CTNNA3: variants seen among roughly 807,000 people sequenced by gnomAD.
CTNNA3 encodes the protein catenin alpha 3.
Under a neutral mutation model 95.7 loss-of-function variants are expected in CTNNA3, and 76 were observed. That is an observed-to-expected ratio of 0.79 (90% CI 0.66 to 0.96). The LOEUF (loss-of-function observed/expected upper bound fraction) is 0.96. CTNNA3 is among the 40% of genes least tolerant of loss of function. The pLI, the probability that CTNNA3 is intolerant of heterozygous loss-of-function variation, is 0.00. For synonymous variants in CTNNA3, 431 were observed against 374.4 expected (o/e 1.15, Z -1.74); for missense variants, 1,191 against 1,089.8 (o/e 1.09, Z -1.31).
chr10:66,867,121 T>C (rs1844211455), intron 7 of CTNNA3, among the ~76,000 whole-genome samples: 1 of 152,152 alleles, frequency 6.6e-6, no homozygotes. Context: ...CCATTAAACA[T>C]CTTTTTCTTT....
rs577544301 is a variant in CTNNA3 at position 66,006,283 on chromosome 10, G to A, written c.2160-17486C>T. Among the ~76,000 whole-genome samples the A allele has an allele frequency of 1.3e-3, 192 of 152,100 alleles. 1 individual carries two copies. The highest frequency in any genetic ancestry group is 8.9e-3 in the South Asian group (43 of 4,814). On this transcript the variant is annotated intron_variant, in intron 15 of 17. Coordinates refer to ENST00000433211, the MANE Select transcript of CTNNA3 (RefSeq NM_013266.4). The stretch of plus-strand genomic sequence containing the variant: ...CCGCCTCGGCCTCCCAAAGTGCTGG[G>A]ATTACAGGTGTGAGCCACTGCACCA...
At chr10:67,682,400 A>AT (rs1564826574) in intron 1 of CTNNA3, among the ~76,000 whole-genome samples, 1 of 152,264 alleles carries the variant, frequency 6.6e-6, no homozygotes. Context: ...AAGAAGGGCA[A>AT]TGGGTTAATA....
At chr10:67,237,636 T>C (rs1047619540) in intron 5 of CTNNA3, among the ~76,000 whole-genome samples, 23 of 151,704 alleles carry the variant, frequency 1.5e-4, no homozygotes, top group Non-Finnish European at 2.5e-4. Context: ...AAAGAGCATG[T>C]GGAAAGGTCT....
chr10:66,782,234 A>G lies in CTNNA3; in HGVS notation c.1048-6710T>C, dbSNP rs372180116. 9.9e-5 allele frequency among the ~76,000 whole-genome samples: 15 copies of G among 152,160 alleles called. No individual in the cohort carries two copies. The East Asian group carries it at 1.2e-3, about 12-fold the overall frequency. ...TATAAGGAATAAAAGGATAAAGGGT[A>G]TACAAAGCTGGCAAATAGGAAGGGT... On this transcript the variant is annotated intron_variant, in intron 7 of 17. Transcript: ENST00000433211.
intron 7 of CTNNA3, among the ~76,000 whole-genome samples, chr10:67,053,632 CTG>C (rs1214380631): frequency 6.6e-6 from 1 of 152,060 alleles, no homozygotes; most frequent in Non-Finnish European, 1.5e-5. Context: ...CTTTTCTAAA[CTG>C]TAAATTTCCT....
chr10:66,084,344 T>A (rs2080896488), intron 14 of CTNNA3, among the ~76,000 whole-genome samples: 1 of 151,954 alleles, frequency 6.6e-6, no homozygotes, highest in South Asian at 2.1e-4. Flanking sequence ...ATAATTCATG[T>A]ACTCCATAAA....
At chr10:66,995,883 A>G (rs901275392) in intron 7 of CTNNA3, among the ~76,000 whole-genome samples, 3 of 152,194 alleles carry the variant, frequency 2.0e-5, no homozygotes, top group African/African-American at 7.2e-5. Context: ...TCATAAATCT[A>G]ATAAGAACTA....
At chr10:66,698,973 C>T (rs187781298) in intron 9 of CTNNA3, among the ~76,000 whole-genome samples, 1 of 152,144 alleles carries the variant, frequency 6.6e-6, no homozygotes, top group African/African-American at 2.4e-5. Context: ...TAAAAAGTAA[C>T]AAGACTGGCC....
intron 17 of CTNNA3, among the ~76,000 whole-genome samples, chr10:65,950,078 G>C (rs1287455336): frequency 6.6e-6 from 1 of 152,050 alleles, no homozygotes; most frequent in East Asian, 1.9e-4. Flanking sequence ...ATTACTAGGA[G>C]TTATTGATTT....
intron 15 of CTNNA3, among the ~76,000 whole-genome samples, chr10:66,036,451 G>A (rs1007865687): frequency 1.3e-5 from 2 of 152,256 alleles, no homozygotes; most frequent in East Asian, 1.9e-4. Flanking sequence ...TCGGCTCACT[G>A]CAGCCTCTGT....
At chr10:67,487,522 G>A (rs191041205) in intron 5 of CTNNA3, among the ~76,000 whole-genome samples, 11 of 152,224 alleles carry the variant, frequency 7.2e-5, no homozygotes, top group Admixed American at 4.6e-4. Context: ...GGGAAAAAAT[G>A]TAAAATCATC....
intron 15 of CTNNA3, among the ~76,000 whole-genome samples, chr10:66,054,037 T>C (rs2080019226): frequency 6.6e-6 from 1 of 152,186 alleles, no homozygotes; most frequent in Non-Finnish European, 1.5e-5. Context: ...TTTCTATCCA[T>C]GTTGTTGCAA....
chr10:67,046,690 A>G (rs1245542138), intron 7 of CTNNA3, among the ~76,000 whole-genome samples: 1 of 152,188 alleles, frequency 6.6e-6, no homozygotes, highest in Non-Finnish European at 1.5e-5. Flanking sequence ...ACATTGGCAC[A>G]GGAGAAGATA....
At chr10:67,218,660 T>C (rs1864501743) in intron 6 of CTNNA3, among the ~76,000 whole-genome samples, 1 of 152,176 alleles carries the variant, frequency 6.6e-6, no homozygotes, top group Admixed American at 6.5e-5. Context: ...ATGTCCCACA[T>C]CCATTCTATC....
intron 1 of CTNNA3, among the ~76,000 whole-genome samples, chr10:67,682,468 C>G (rs192757458): frequency 1.0e-3 from 159 of 151,970 alleles, no homozygotes; most frequent in South Asian, 3.5e-3. Flanking sequence ...TCAAATAAAA[C>G]AAGATATTAT....
intron 5 of CTNNA3, among the ~76,000 whole-genome samples, chr10:67,418,553 T>C (rs981693251): frequency 6.7e-6 from 1 of 150,122 alleles, no homozygotes. Flanking sequence ...TGCAACAACA[T>C]GGGTGAACTT....
chr10:66,391,154 C>T lies in CTNNA3; in HGVS notation c.1532-11802G>A, dbSNP rs566739250. ...TTCTTTGCACTGAAAGCTGCTTATT[C>T]TTTCGCTTTTAGACAGCTCGAATTT... is the stretch of plus-strand genomic sequence containing the variant. On this transcript the variant is annotated intron_variant, in intron 11 of 17. Coordinates refer to ENST00000433211, the MANE Select transcript of CTNNA3 (RefSeq NM_013266.4). 2.0e-5 allele frequency among the ~76,000 whole-genome samples: 3 copies of T among 152,186 alleles called. No homozygotes were observed. The East Asian group carries it at 5.8e-4, about 29-fold the overall frequency.
chr10:66,484,469 A>G (rs992788947), intron 11 of CTNNA3, among the ~76,000 whole-genome samples: 4 of 152,038 alleles, frequency 2.6e-5, no homozygotes, highest in African/African-American at 7.2e-5. Flanking sequence ...GAGAAAGAAT[A>G]AAGGAGTGTC....
chr10:67,472,415 C>T (rs1000055158), intron 5 of CTNNA3, among the ~76,000 whole-genome samples: 2 of 152,162 alleles, frequency 1.3e-5, no homozygotes, highest in Non-Finnish European at 2.9e-5. Flanking sequence ...CTGGCCAAAA[C>T]CAGCTAGAAC....
Sources: allele counts gnomAD v4.1 joint callset (sites outside exome capture counted in the v4.1 genomes callset), GRCh38; gene constraint gnomAD v4.1.1; transcripts MANE v1.5; gene names NCBI Gene and HGNC (gene_info 2026-07-23, HGNC 2026-07-21).